Variants in TMEM225B observed in about 807,000 individuals in gnomAD.
TMEM225B encodes transmembrane protein 225-like.
TMEM225B carries 10 observed loss-of-function variants against 16.9 expected under a neutral mutation model. That is an observed-to-expected ratio of 0.59 (90% confidence interval 0.36 to 1.00). TMEM225B has a LOEUF of 1.00. Among genes scored for constraint, TMEM225B ranks in the 50% least tolerant of loss-of-function variants. The pLI is 0.01. For synonymous variants in TMEM225B, 92 were observed against 109.8 expected, an observed-to-expected ratio of 0.84 and a Z score of 1.01; for missense variants, 217 against 267.0, an observed-to-expected ratio of 0.81 and a Z score of 1.30.
chr7:99,608,832 T>C (rs1487947120), intron 5 of TMEM225B, among the ~76,000 whole-genome samples: 3 of 140,622 alleles, frequency 2.1e-5, no homozygotes, highest in African/African-American at 9.4e-5. Flanking sequence ...TATGTGTGTG[T>C]GTGCACGTAT....
chr7:99,600,053 A>G (rs2151191863), intron 1 of TMEM225B, among the ~76,000 whole-genome samples, 152 bp from the exon 2 acceptor site: 1 of 152,354 alleles, frequency 6.6e-6, no homozygotes, highest in Non-Finnish European at 1.5e-5. Flanking sequence ...GGAAAGGAGG[A>G]CAAGGTCCTC....
intron 4 of TMEM225B, 122 bp downstream of exon 4, chr7:99,607,016 C>T (rs1409920760): frequency 4.6e-6 from 5 of 1,082,200 alleles, no homozygotes; most frequent in Non-Finnish European, 5.2e-6. Context: ...GGGACAGGGT[C>T]TCACTCTGTT....
intron 3 of TMEM225B, among the ~76,000 whole-genome samples, chr7:99,605,249 T>G (rs567672862): frequency 8.6e-4 from 131 of 152,206 alleles, no homozygotes; most frequent in Non-Finnish European, 1.6e-3. Flanking sequence ...CTAATTTTGG[T>G]CTATTTCACT....
chr7:99,598,598 G>A (rs1414005634), intron 1 of TMEM225B, among the ~76,000 whole-genome samples: 2 of 152,172 alleles, frequency 1.3e-5, no homozygotes, highest in Non-Finnish European at 2.9e-5. Flanking sequence ...ACAGAAGGGC[G>A]GAGTCCTGGC....
intron 3 of TMEM225B, among the ~76,000 whole-genome samples, chr7:99,606,133 A>T (rs1805791335): frequency 6.6e-6 from 1 of 152,198 alleles, no homozygotes; most frequent in Non-Finnish European, 1.5e-5. Context: ...AAATTCCCAT[A>T]ATAACATTTG....
intron 3 of TMEM225B, among the ~76,000 whole-genome samples, chr7:99,606,265 A>G (rs1805802290): frequency 6.6e-6 from 1 of 152,192 alleles, no homozygotes; most frequent in African/African-American, 2.4e-5. Flanking sequence ...ACTGCACTCT[A>G]GCTTGGGCGA....
intron 2 of TMEM225B, 87 bp downstream of exon 2, chr7:99,600,372 G>A (rs1805256285): frequency 1.4e-6 from 1 of 691,218 alleles, no homozygotes; most frequent in Non-Finnish European, 2.6e-6. Flanking sequence ...TCAGGGGAGT[G>A]GGGTTTGGAA....
In TMEM225B at chr7:99,604,438, T is replaced by A; in HGVS notation, c.50T>A (p.Val17Asp). 6.5e-7 allele frequency: 1 copy of A among 1,536,062 alleles called. No homozygotes were observed. Among genetic ancestry groups the A allele is most frequent in the Non-Finnish European group, 8.7e-7 (1 of 1,146,860 alleles). Residue 17 changes from valine (V) to aspartate (D), a missense_variant, in exon 3 of 6, where the codon GTC becomes GAC. Val to Asp is a radical substitution (Grantham distance 152). Transcript: ENST00000431679. ...ATGAAGGGATTCTCCTGGGCCATAG[T>A]CCCAGCCTTAACCTCCCTAGGCTAC... is the stretch of plus-strand genomic sequence containing the variant. ...KDMKGFSWAIVPALTSLGYLI... is the reference protein window; with the variant it reads ...KDMKGFSWAIDPALTSLGYLI...
At chr7:99,610,139 GT>G (rs1035065503) in intron 5 of TMEM225B, among the ~76,000 whole-genome samples, 3 of 149,564 alleles carry the variant, frequency 2.0e-5, no homozygotes, top group South Asian at 2.1e-4. Context: ...CTAAACCTTA[GT>G]TTTTTTTTTC....
Position 99,607,010 on chromosome 7 carries a change from C to T in TMEM225B, c.355+116C>T, listed in dbSNP as rs1375032155. On this transcript the variant is annotated intron_variant, in intron 4 of 5. Transcript: ENST00000431679. The stretch of plus-strand genomic sequence containing the variant: ...GAGGCATAATTTTTCTTTTTAGGGA[C>T]AGGGTCTCACTCTGTTACCCAGGCT... The T allele has an allele frequency of 1.7e-5, 20 of 1,144,016 alleles. No individual in the cohort carries two copies. In the East Asian group the frequency reaches 4.4e-4, roughly 25 times the overall value. 70.9% of individuals were successfully genotyped at this position (1,144,016 alleles called of 1,614,324 possible). A position where few individuals can be genotyped will look rare whatever the true frequency, so the allele number is the denominator to read the frequency against.
intron 5 of TMEM225B, among the ~76,000 whole-genome samples, chr7:99,608,716 AAT>A (rs770509440): frequency 0.05 from 5,751 of 116,170 alleles, 166 homozygotes; most frequent in Non-Finnish European, 0.063. Flanking sequence ...GTTAAAAAAA[AAT>A]ATATATATAT....
At chr7:99,600,410 G>GC (rs1393916851) in intron 2 of TMEM225B, 125 bp downstream of exon 2, 1 of 653,128 alleles carries the variant, frequency 1.5e-6, no homozygotes, top group African/African-American at 1.8e-5. Context: ...AGGCACCCCC[G>GC]CCCCCAGGAA....
At chr7:99,608,566 A>C (rs1168862701) in intron 5 of TMEM225B, among the ~76,000 whole-genome samples, 1 of 122,038 alleles carries the variant, frequency 8.2e-6, no homozygotes, top group African/African-American at 3.6e-5. Context: ...TTTTTTTTTT[A>C]AGAGATAGGG....
chr7:99,598,226 C>G (rs1011672272), upstream of TMEM225B: 2 of 152,324 alleles, frequency 1.3e-5, no homozygotes, highest in Non-Finnish European at 2.9e-5. Context: ...GTGGGCTCCT[C>G]CCCCGGGTCG....
intron 5 of TMEM225B, among the ~76,000 whole-genome samples, chr7:99,609,230 T>C (rs993434433): frequency 9.9e-5 from 15 of 152,122 alleles, no homozygotes; most frequent in African/African-American, 3.6e-4. Context: ...CTTCACCAAA[T>C]AGAGTTACAA....
intron 5 of TMEM225B, 100 bp downstream of exon 5, chr7:99,607,910 G>A: frequency 7.9e-7 from 1 of 1,271,280 alleles, no homozygotes; most frequent in Non-Finnish European, 1.0e-6. Flanking sequence ...GAATTGCACT[G>A]TTCCAAACCG....
At chr7:99,600,730 G>T (rs922154178) in intron 2 of TMEM225B, among the ~76,000 whole-genome samples, 3 of 152,156 alleles carry the variant, frequency 2.0e-5, no homozygotes, top group Admixed American at 6.6e-5. Flanking sequence ...CTTGACACAT[G>T]GGGATTATTA....
intron 2 of TMEM225B, among the ~76,000 whole-genome samples, chr7:99,602,860 G>T (rs1156519798): frequency 6.6e-6 from 1 of 152,110 alleles, no homozygotes; most frequent in African/African-American, 2.4e-5. Flanking sequence ...ACTACAGACA[G>T]GCACATGCCC....
chr7:99,605,444 T>G (rs1406747557), intron 3 of TMEM225B: 1 of 144,808 alleles, frequency 6.9e-6, no homozygotes, highest in Non-Finnish European at 1.5e-5. Context: ...TTTTTTAATT[T>G]TATGTTTTGT....
Sources: gnomAD v4.1 joint callset for allele counts (sites outside exome capture counted in the v4.1 genomes callset) on GRCh38, gnomAD v4.1.1 for gene constraint, MANE v1.5 for transcripts, NCBI Gene and HGNC (gene_info 2026-07-23, HGNC 2026-07-21) for gene names.